Variants in RBFOX1 observed in about 807,000 individuals in gnomAD.
RBFOX1 encodes RNA binding fox-1 homolog 1.
RBFOX1 carries 8 observed loss-of-function variants against 57.7 expected under a neutral mutation model. That is an observed-to-expected ratio of 0.14 (90% CI 0.08 to 0.25). RBFOX1 has a LOEUF of 0.25. Among genes scored for constraint, RBFOX1 ranks in the 10% least tolerant of loss-of-function variants. The pLI is 1.00. For synonymous variants in RBFOX1, 326 were observed against 222.4 expected, an observed-to-expected ratio of 1.47 and a Z score of -4.15; for missense variants, 611 against 548.5, an observed-to-expected ratio of 1.11 and a Z score of -1.14.
At chr16:5,321,251 G>A (rs1185901131) in intron 1 of RBFOX1, among the ~76,000 whole-genome samples, 2 of 152,154 alleles carry the variant, frequency 1.3e-5, no homozygotes, top group African/African-American at 4.8e-5. Context: ...TCTCCTGAGG[G>A]GTGGGAGTGA....
chr16:7,525,426 T>C (rs917354217), intron 5 of RBFOX1, among the ~76,000 whole-genome samples: 1 of 152,280 alleles, frequency 6.6e-6, no homozygotes, highest in South Asian at 2.1e-4. Context: ...AAGATTGCTC[T>C]CCATCTCTGT....
intron 3 of RBFOX1, among the ~76,000 whole-genome samples, chr16:6,684,047 A>C (rs1283157886): frequency 6.6e-6 from 1 of 152,204 alleles, no homozygotes; most frequent in African/African-American, 2.4e-5. Context: ...ACCTGTGGGC[A>C]TCCTCAAATT....
At chr16:6,603,967 C>G (rs1252798259) in intron 2 of RBFOX1, among the ~76,000 whole-genome samples, 2 of 152,128 alleles carry the variant, frequency 1.3e-5, no homozygotes, top group African/African-American at 4.8e-5. Flanking sequence ...TCCCTCTGAT[C>G]TCCTTTTCTT....
chr16:7,702,263 G>C (rs987802205), intron 14 of RBFOX1, among the ~76,000 whole-genome samples: 12 of 152,192 alleles, frequency 7.9e-5, no homozygotes, highest in African/African-American at 2.9e-4. Context: ...CCTAAGCTCG[G>C]AATTTTTGAA....
At chr16:7,661,719 G>T (rs2067795006) in intron 12 of RBFOX1, among the ~76,000 whole-genome samples, 1 of 152,208 alleles carries the variant, frequency 6.6e-6, no homozygotes, top group South Asian at 2.1e-4. Context: ...AGTAGTTGGG[G>T]TACAGGAAAG....
chr16:5,603,782 T>A (rs1421340686), downstream of RBFOX1, among the ~76,000 whole-genome samples: 1 of 152,198 alleles, frequency 6.6e-6, no homozygotes, highest in Non-Finnish European at 1.5e-5. Flanking sequence ...GGAGAGGCAC[T>A]TGGGAATGAG....
intron 2 of RBFOX1, among the ~76,000 whole-genome samples, chr16:6,445,215 G>A (rs1240853597): frequency 6.6e-6 from 1 of 151,998 alleles, no homozygotes; most frequent in Non-Finnish European, 1.5e-5. Flanking sequence ...AGTTTAGCCT[G>A]AGATTTTCTT....
At chr16:5,563,606 A>G (rs186674798) in intron 2 of RBFOX1, among the ~76,000 whole-genome samples, 60 of 152,326 alleles carry the variant, frequency 3.9e-4, no homozygotes, top group African/African-American at 1.4e-3. Context: ...GATTCTTTCA[A>G]TAAGTAGTTG....
chr16:7,449,012 C>T (rs920924432), intron 4 of RBFOX1, among the ~76,000 whole-genome samples: 1 of 143,044 alleles, frequency 7.0e-6, no homozygotes, highest in Non-Finnish European at 1.5e-5. Context: ...TCACCACAAC[C>T]TCCACCTCCC....
chr16:7,312,776 A>G (rs540212651), intron 4 of RBFOX1, among the ~76,000 whole-genome samples: 1 of 152,322 alleles, frequency 6.6e-6, no homozygotes, highest in Non-Finnish European at 1.5e-5. Flanking sequence ...ATTTATTTCC[A>G]TTCAGAACGT....
chr16:6,831,641 T>G (rs534786760), intron 3 of RBFOX1, among the ~76,000 whole-genome samples: 3 of 152,316 alleles, frequency 2.0e-5, no homozygotes, highest in African/African-American at 7.2e-5. Context: ...TGGAAGGGTT[T>G]TAAGCATTTT....
intron 3 of RBFOX1, among the ~76,000 whole-genome samples, chr16:5,696,265 G>T (rs1039055118): frequency 6.6e-6 from 1 of 152,070 alleles, no homozygotes; most frequent in African/African-American, 2.4e-5. Flanking sequence ...TATTCCCATA[G>T]GTATTTTCTA....
chr16:5,787,451 C>A (rs1287334075), intron 3 of RBFOX1, among the ~76,000 whole-genome samples: 1 of 152,214 alleles, frequency 6.6e-6, no homozygotes, highest in African/African-American at 2.4e-5. Context: ...AATAAAGTCA[C>A]TGTAGTTTGC....
intron 2 of RBFOX1, among the ~76,000 whole-genome samples, chr16:5,488,785 G>A (rs1223429760): frequency 6.7e-6 from 1 of 148,912 alleles, no homozygotes; most frequent in Non-Finnish European, 1.5e-5. Context: ...TATGGGAGAT[G>A]ATGGTGATGG....
intron 3 of RBFOX1, among the ~76,000 whole-genome samples, chr16:6,784,774 G>T (rs1338618367): frequency 3.3e-5 from 5 of 151,998 alleles, no homozygotes; most frequent in African/African-American, 1.2e-4. Flanking sequence ...TTGTGGGGAA[G>T]TAAATCCCTG....
At chr16:7,207,363 C>A (rs1335609010) in intron 4 of RBFOX1, among the ~76,000 whole-genome samples, 1 of 152,122 alleles carries the variant, frequency 6.6e-6, no homozygotes, top group Non-Finnish European at 1.5e-5. Context: ...ACTGTCCCTT[C>A]CAAGAATCTT....
chr16:7,188,758 G>A (rs2084565300), intron 4 of RBFOX1, among the ~76,000 whole-genome samples: 1 of 152,130 alleles, frequency 6.6e-6, no homozygotes, highest in South Asian at 2.1e-4. Flanking sequence ...CCTTGTAATT[G>A]TCAAAAGTAA....
chr16:6,130,374 C>A (rs6500760), intron 1 of RBFOX1, among the ~76,000 whole-genome samples: 37,921 of 151,810 alleles, frequency 0.25, 5,498 homozygotes, highest in African/African-American at 0.39. Flanking sequence ...TTTATCCTAC[C>A]ATGCCTAAAA....
At chr16:6,962,786 G>A (rs1423909255) in intron 3 of RBFOX1, among the ~76,000 whole-genome samples, 1 of 152,086 alleles carries the variant, frequency 6.6e-6, no homozygotes, top group Admixed American at 6.6e-5. Context: ...GATCACTTGA[G>A]CCCAGGAGAT....
Sources: allele counts gnomAD v4.1 joint callset (sites outside exome capture counted in the v4.1 genomes callset), GRCh38; gene constraint gnomAD v4.1.1; transcripts MANE v1.5; gene names NCBI Gene and HGNC (gene_info 2026-07-23, HGNC 2026-07-21).